The following MCU variants were observed in gnomAD, a reference collection of about 807,000 sequenced individuals.
The protein encoded by MCU is mitochondrial calcium uniporter, also known as calcium uniporter protein, mitochondrial.
A neutral mutation model predicts 45.2 loss-of-function variants in MCU; 12 were observed. The ratio of observed to expected loss-of-function variants is 0.27; its 90% CI spans 0.17 to 0.43. MCU has a LOEUF of 0.43. MCU is among the 20% of genes least tolerant of loss of function. MCU has a pLI of 1.00. For synonymous variants in MCU, 160 were observed against 165.1 expected, an observed-to-expected ratio of 0.97 and a Z score of 0.24; for missense variants, 324 against 436.7, an observed-to-expected ratio of 0.74 and a Z score of 2.30.
intron 2 of MCU, among the ~76,000 whole-genome samples, chr10:72,845,485 A>G (rs1399962427): frequency 6.6e-6 from 1 of 152,218 alleles, no homozygotes; most frequent in Non-Finnish European, 1.5e-5. Flanking sequence ...GTTGGTCCCA[A>G]AAGAGTATAA....
At chr10:72,839,308 AC>A (rs1845010943) in intron 2 of MCU, among the ~76,000 whole-genome samples, 1 of 151,940 alleles carries the variant, frequency 6.6e-6, no homozygotes, top group Admixed American at 6.6e-5. Flanking sequence ...CCATCTTTGG[AC>A]CGCTTGCTTG....
chr10:72,861,350 A>C (rs543021191), intron 4 of MCU, among the ~76,000 whole-genome samples: 1 of 152,236 alleles, frequency 6.6e-6, no homozygotes, highest in Non-Finnish European at 1.5e-5. Context: ...TGGGAAAAGG[A>C]AAGGTGCTCT....
chr10:72,775,294 C>CAATG (rs1415047185), intron 1 of MCU, among the ~76,000 whole-genome samples: 3 of 151,888 alleles, frequency 2.0e-5, no homozygotes, highest in Non-Finnish European at 4.4e-5. Flanking sequence ...CCTGAATGAC[C>CAATG]AATGGGCCAA....
chr10:72,885,660 G>A (rs1463750511), intron 7 of MCU, 85 bp from the exon 8 acceptor site: 25 of 849,292 alleles, frequency 2.9e-5, no homozygotes, highest in Non-Finnish European at 4.5e-5. Context: ...TTATAGTAAT[G>A]GAGAACAGTT....
chr10:72,748,433 TTTG>T (rs1432428645), intron 1 of MCU, among the ~76,000 whole-genome samples: 1 of 152,022 alleles, frequency 6.6e-6, no homozygotes, highest in Non-Finnish European at 1.5e-5. Flanking sequence ...AGTTCTGCAT[TTTG>T]TTATCTTTTC....
At chr10:72,860,356 TTGA>T in intron 3 of MCU, 64 bp from the exon 4 acceptor site, 1 of 1,343,454 alleles carries the variant, frequency 7.4e-7, no homozygotes, top group Non-Finnish European at 1.0e-6. Flanking sequence ...ATTTTGAAGA[TTGA>T]ATTTTCCTGA....
chr10:72,870,467 A>G (rs1334808481), intron 5 of MCU, among the ~76,000 whole-genome samples: 1 of 151,840 alleles, frequency 6.6e-6, no homozygotes, highest in Non-Finnish European at 1.5e-5. Context: ...TTTTTTTAGT[A>G]GAGACGGGAT....
chr10:72,884,212 T>C, intron 6 of MCU, 54 bp from the exon 7 acceptor site: 1 of 1,046,562 alleles, frequency 9.6e-7, no homozygotes, highest in East Asian at 2.4e-5. Context: ...TTAGTAAATA[T>C]TTTGTGAAGA....
intron 1 of MCU, among the ~76,000 whole-genome samples, chr10:72,801,674 C>CT (rs767524519): frequency 0.037 from 4,943 of 134,372 alleles, 300 homozygotes; most frequent in African/African-American, 0.13. Context: ...CTCTTTTTTT[C>CT]TTTTTTTTTT....
At chr10:72,864,730 A>G (rs1845428208) in intron 4 of MCU, among the ~76,000 whole-genome samples, 1 of 152,212 alleles carries the variant, frequency 6.6e-6, no homozygotes, top group African/African-American at 2.4e-5. Context: ...TCAAGGGTCA[A>G]CTGTAGTAAG....
At chr10:72,766,258 G>T (rs1345445893) in intron 1 of MCU, among the ~76,000 whole-genome samples, 1 of 151,948 alleles carries the variant, frequency 6.6e-6, no homozygotes, top group South Asian at 2.1e-4. Flanking sequence ...CTTTTTTCTT[G>T]TCTTTCTTTT....
intron 1 of MCU, among the ~76,000 whole-genome samples, chr10:72,699,659 T>C (rs1010583632): frequency 2.6e-5 from 4 of 150,994 alleles, no homozygotes; most frequent in African/African-American, 7.3e-5. Flanking sequence ...TGGCGCTATC[T>C]CTGCTCTCTG....
chr10:72,817,955 C>T (rs546589316), intron 1 of MCU, among the ~76,000 whole-genome samples: 1 of 152,238 alleles, frequency 6.6e-6, no homozygotes, highest in South Asian at 2.1e-4. Flanking sequence ...TAACTCTAAC[C>T]TCTAAATGTG....
chr10:72,847,623 T>C (rs879898179), intron 2 of MCU, among the ~76,000 whole-genome samples: 1 of 152,180 alleles, frequency 6.6e-6, no homozygotes, highest in Admixed American at 6.5e-5. Flanking sequence ...AATATAAATA[T>C]ATGCAAAGTC....
At chr10:72,696,657 A>T (rs1235424969) in intron 1 of MCU, among the ~76,000 whole-genome samples, 1 of 152,146 alleles carries the variant, frequency 6.6e-6, no homozygotes, top group Non-Finnish European at 1.5e-5. Context: ...TAAAGCAATG[A>T]TGTGTATCTT....
intron 2 of MCU, among the ~76,000 whole-genome samples, chr10:72,836,675 AAG>A (rs1259951351): frequency 1.3e-5 from 2 of 152,222 alleles, no homozygotes; most frequent in African/African-American, 2.4e-5. Flanking sequence ...TAAGAAAAAA[AAG>A]AGTGTCTCCC....
At chr10:72,729,696 C>T (rs117690276) in intron 1 of MCU, among the ~76,000 whole-genome samples, 2 of 152,232 alleles carry the variant, frequency 1.3e-5, no homozygotes, top group Non-Finnish European at 2.9e-5. Context: ...ACTTTAGATG[C>T]ACTAACCGGA....
chr10:72,822,002 G>A (rs1320771457), intron 1 of MCU, among the ~76,000 whole-genome samples: 3 of 152,234 alleles, frequency 2.0e-5, no homozygotes, highest in African/African-American at 4.8e-5. Context: ...ACGGCTGGAC[G>A]TGGTGGCTCA....
intron 2 of MCU, among the ~76,000 whole-genome samples, chr10:72,848,843 T>C (rs1184528447): frequency 6.6e-6 from 1 of 152,178 alleles, no homozygotes; most frequent in Non-Finnish European, 1.5e-5. Context: ...ATCACCCTGC[T>C]TCAGTGTGGA....
Sources: gnomAD v4.1 joint callset for allele counts (sites outside exome capture counted in the v4.1 genomes callset) on GRCh38, gnomAD v4.1.1 for gene constraint, MANE v1.5 for transcripts, NCBI Gene and HGNC (gene_info 2026-07-23, HGNC 2026-07-21) for gene names.